Variants in SMG6 observed in about 807,000 individuals in gnomAD.
SMG6 encodes the protein SMG6 nonsense mediated mRNA decay factor, also known as telomerase-binding protein EST1A.
Under a neutral mutation model 142.2 loss-of-function variants are expected in SMG6, and 66 were observed. The observed-to-expected ratio is 0.46, with a 90% CI of 0.38 to 0.57. The LOEUF (loss-of-function observed/expected upper bound fraction) is 0.57. Among genes scored for constraint, SMG6 ranks in the 20% least tolerant of loss-of-function variants. The pLI, the probability that SMG6 is intolerant of heterozygous loss-of-function variation, is 0.00. For synonymous variants in SMG6, 779 were observed against 702.4 expected, an observed-to-expected ratio of 1.11 and a Z score of -1.72; for missense variants, 1,793 against 1,832.0, an observed-to-expected ratio of 0.98 and a Z score of 0.39.
At chr17:2,247,927 G>C (rs1458117171) in intron 8 of SMG6, among the ~76,000 whole-genome samples, 2 of 151,262 alleles carry the variant, frequency 1.3e-5, no homozygotes, top group Admixed American at 6.6e-5. Flanking sequence ...CCCAGTATCT[G>C]TTAAACAAAC....
chr17:2,118,415 T>C (rs2069574961), intron 13 of SMG6, among the ~76,000 whole-genome samples: 1 of 152,124 alleles, frequency 6.6e-6, no homozygotes, highest in Non-Finnish European at 1.5e-5. Flanking sequence ...GGTGTGCACC[T>C]GTAGTCCCAG....
chr17:2,091,978 G>A (rs1411406958), intron 13 of SMG6, among the ~76,000 whole-genome samples: 1 of 151,348 alleles, frequency 6.6e-6, no homozygotes, highest in East Asian at 1.9e-4. Flanking sequence ...CACTGCGCCT[G>A]GCCCCTTTTT....
chr17:2,111,270 G>C (rs539049668), intron 13 of SMG6, among the ~76,000 whole-genome samples: 2 of 152,270 alleles, frequency 1.3e-5, no homozygotes, highest in African/African-American at 4.8e-5. Flanking sequence ...AAAAAAAGTT[G>C]GGTAAGGGAG....
At chr17:2,092,036 GT>G (rs1476852614) in intron 13 of SMG6, among the ~76,000 whole-genome samples, 3 of 150,648 alleles carry the variant, frequency 2.0e-5, no homozygotes, top group South Asian at 4.2e-4. Flanking sequence ...CCAAGCTGGA[GT>G]TGCACTGGCA....
At chr17:2,106,526 G>A (rs1462014746) in intron 13 of SMG6, among the ~76,000 whole-genome samples, 1 of 152,154 alleles carries the variant, frequency 6.6e-6, no homozygotes, top group Non-Finnish European at 1.5e-5. Flanking sequence ...CAAGAAGGAA[G>A]GGAAAGAGAG....
intron 13 of SMG6, among the ~76,000 whole-genome samples, chr17:2,124,096 C>T (rs780694242): frequency 2.0e-5 from 3 of 152,204 alleles, no homozygotes; most frequent in Non-Finnish European, 4.4e-5. Flanking sequence ...TCCAGAACAA[C>T]AACCCAGGAG....
intron 10 of SMG6, 52 bp from the exon 11 acceptor site, chr17:2,188,567 T>G: frequency 6.7e-7 from 1 of 1,493,400 alleles, no homozygotes; most frequent in Non-Finnish European, 9.3e-7. Context: ...AAGATGCACA[T>G]CACTGGCCAC....
intron 11 of SMG6, among the ~76,000 whole-genome samples, chr17:2,187,370 T>G (rs893656322): frequency 6.6e-6 from 1 of 152,220 alleles, no homozygotes; most frequent in Non-Finnish European, 1.5e-5. Flanking sequence ...ACAACTTTTT[T>G]TTCCCCTTGC....
At chr17:2,226,876 C>T (rs972306842) in intron 10 of SMG6, among the ~76,000 whole-genome samples, 1 of 152,118 alleles carries the variant, frequency 6.6e-6, no homozygotes, top group African/African-American at 2.4e-5. Flanking sequence ...CACTCCAGCC[C>T]TGTGACGGCA....
At chr17:2,294,348 T>C (rs1042123717) in intron 4 of SMG6, among the ~76,000 whole-genome samples, 2 of 152,206 alleles carry the variant, frequency 1.3e-5, no homozygotes, top group African/African-American at 4.8e-5. Context: ...ATCCACTTTG[T>C]CATGTTGGTA....
chr17:2,083,077 A>T (rs2068467426), intron 14 of SMG6, among the ~76,000 whole-genome samples: 1 of 152,204 alleles, frequency 6.6e-6, no homozygotes, highest in Non-Finnish European at 1.5e-5. Flanking sequence ...CAGGGATTGA[A>T]GCCCAAGTGA....
At chr17:2,295,089 G>T (rs2075117635) in intron 4 of SMG6, among the ~76,000 whole-genome samples, 1 of 152,088 alleles carries the variant, frequency 6.6e-6, no homozygotes, top group Non-Finnish European at 1.5e-5. Flanking sequence ...GTTGGGCCAG[G>T]CTGGTCTCAA....
chr17:2,221,223 G>A (rs2073160655), intron 10 of SMG6, among the ~76,000 whole-genome samples: 1 of 152,126 alleles, frequency 6.6e-6, no homozygotes, highest in Non-Finnish European at 1.5e-5. Context: ...GCTGGAGGTG[G>A]GGCCTGGTAG....
chr17:2,265,937 G>C (rs2074414449), intron 8 of SMG6: 1 of 957,846 alleles, frequency 1.0e-6, no homozygotes, highest in South Asian at 4.8e-5. Context: ...TACCACCTAA[G>C]AACTGGTGCA....
At position 2,176,479 on chromosome 17, in the gene SMG6, T is replaced by G. The variant is rs192545342; in HGVS notation, c.3156-3620A>C. ...GACCCTCTAGAGTGCTGTGGACTCA[T>G]GCAGGTCCTTCTGGTTTGTTCTGGT... On this transcript the variant is annotated intron_variant, in intron 12 of 18. Transcript: ENST00000263073. Among the ~76,000 whole-genome samples, 44 of 152,328 alleles carry G rather than the reference T, an allele frequency of 2.9e-4. 1 individual carries two copies. The highest frequency in any genetic ancestry group is 8.8e-5 in the Non-Finnish European group (6 of 68,028).
chr17:2,164,709 G>A (rs1019475222), intron 13 of SMG6, among the ~76,000 whole-genome samples: 2 of 152,138 alleles, frequency 1.3e-5, no homozygotes, highest in African/African-American at 4.8e-5. Context: ...GGCTGAGGCA[G>A]GTGGATCACC....
intron 15 of SMG6, among the ~76,000 whole-genome samples, 174 bp downstream of exon 15, chr17:2,081,636 C>T (rs1471971015): frequency 6.6e-5 from 10 of 152,150 alleles, no homozygotes; most frequent in African/African-American, 1.7e-4. Flanking sequence ...ACTCTAGGCA[C>T]CAAACCTGCT....
At chr17:2,102,777 T>C (rs766491446) in intron 13 of SMG6, among the ~76,000 whole-genome samples, 1 of 152,148 alleles carries the variant, frequency 6.6e-6, no homozygotes, top group East Asian at 1.9e-4. Context: ...AACTGACGCT[T>C]TGAACCCTTT....
intron 1 of SMG6, 41 bp from the exon 2 acceptor site, chr17:2,300,705 G>T: frequency 6.6e-7 from 1 of 1,505,580 alleles, no homozygotes; most frequent in Non-Finnish European, 8.9e-7. Context: ...AAAGGTAGAA[G>T]ATAAGAATAA....
Sources: allele counts gnomAD v4.1 joint callset (sites outside exome capture counted in the v4.1 genomes callset), GRCh38; gene constraint gnomAD v4.1.1; transcripts MANE v1.5; gene names NCBI Gene and HGNC (gene_info 2026-07-23, HGNC 2026-07-21).